PTPRD: variants seen among roughly 807,000 people sequenced by gnomAD.
PTPRD encodes the protein receptor-type tyrosine-protein phosphatase delta.
A neutral mutation model predicts 214.5 loss-of-function variants in PTPRD; 34 were observed. That is an observed-to-expected ratio of 0.16 (90% confidence interval 0.12 to 0.21). The LOEUF (loss-of-function observed/expected upper bound fraction) is 0.21. Among genes scored for constraint, PTPRD ranks in the 10% least tolerant of loss-of-function variants. The probability of loss-of-function intolerance (pLI) is 1.00; values close to 1 mark genes in which losing one functional copy is unlikely to be tolerated. For missense variants in PTPRD, 2,545 were observed against 2,398.7 expected, an observed-to-expected ratio of 1.06 and a Z score of -1.27; for synonymous variants, 1,128 against 845.7, an observed-to-expected ratio of 1.33 and a Z score of -5.79.
intron 6 of PTPRD, among the ~76,000 whole-genome samples, chr9:9,755,040 C>G (rs1270960974): frequency 1.3e-5 from 2 of 151,970 alleles, no homozygotes; most frequent in Non-Finnish European, 2.9e-5. Context: ...TGCAGAGCCA[C>G]AGACCCCATT....
At chr9:9,496,222 G>T (rs890282249) in intron 8 of PTPRD, among the ~76,000 whole-genome samples, 1 of 152,082 alleles carries the variant, frequency 6.6e-6, no homozygotes, top group African/African-American at 2.4e-5. Context: ...TTTGACTTTA[G>T]GAGAATTCTT....
chr9:9,733,065 C>T (rs1052716102), intron 7 of PTPRD, among the ~76,000 whole-genome samples: 3 of 152,166 alleles, frequency 2.0e-5, no homozygotes, highest in Non-Finnish European at 4.4e-5. Context: ...CAAAATTCTA[C>T]TCAGGCCTAG....
intron 7 of PTPRD, among the ~76,000 whole-genome samples, chr9:9,716,077 C>A (rs2097822362): frequency 6.8e-6 from 1 of 147,042 alleles, no homozygotes; most frequent in Non-Finnish European, 1.5e-5. Flanking sequence ...TTGTTCAGTT[C>A]CCACCTATGA....
chr9:8,981,066 A>G (rs906180413), intron 11 of PTPRD, among the ~76,000 whole-genome samples: 3 of 152,046 alleles, frequency 2.0e-5, no homozygotes, highest in Admixed American at 6.6e-5. Flanking sequence ...GCACCTCGCT[A>G]ACGGAATTTC....
At chr9:8,333,610 G>A (rs1032176850) in intron 43 of PTPRD, among the ~76,000 whole-genome samples, 3 of 152,064 alleles carry the variant, frequency 2.0e-5, no homozygotes, top group Admixed American at 2.0e-4. Flanking sequence ...ATACCAAATT[G>A]TAAAGACCAT....
chr9:9,764,087 T>A (rs980672814), intron 6 of PTPRD, among the ~76,000 whole-genome samples: 59 of 152,152 alleles, frequency 3.9e-4, no homozygotes, highest in Non-Finnish European at 4.6e-4. Context: ...ACATGTCTCT[T>A]CCCATCTAAG....
chr9:8,818,345 T>G (rs1176333182), intron 11 of PTPRD, among the ~76,000 whole-genome samples: 3 of 152,146 alleles, frequency 2.0e-5, no homozygotes, highest in Admixed American at 2.0e-4. Flanking sequence ...GGCAGAGAGA[T>G]AAAAGAAGAA....
chr9:9,804,528 C>T (rs2099061298), intron 5 of PTPRD, among the ~76,000 whole-genome samples: 2 of 152,180 alleles, frequency 1.3e-5, no homozygotes, highest in South Asian at 4.1e-4. Context: ...AACTTTTTAT[C>T]TTTCCTTAAC....
chr9:8,675,534 CACACAAAAAAAAAAAAA>C (rs902773575), intron 12 of PTPRD, among the ~76,000 whole-genome samples: 8 of 73,776 alleles, frequency 1.1e-4, no homozygotes, highest in African/African-American at 5.3e-4. Context: ...CACACACACA[CACACAAAAAAAAAAAAA>C]AAAAAAAAAA....
At chr9:9,065,665 T>G (rs62529479) in intron 10 of PTPRD, among the ~76,000 whole-genome samples, 11,519 of 152,076 alleles carry the variant, frequency 0.076, 482 homozygotes, top group Middle Eastern at 0.12. Context: ...GGAAGAAGGA[T>G]AGTTGGTTAG....
intron 2 of PTPRD, among the ~76,000 whole-genome samples, chr9:10,380,863 A>T (rs2097806053): frequency 6.6e-6 from 1 of 152,030 alleles, no homozygotes; most frequent in South Asian, 2.1e-4. Flanking sequence ...TTAGTCGATT[A>T]TGCTATGATC....
At chr9:8,346,071 G>C (rs942988937) in intron 39 of PTPRD, among the ~76,000 whole-genome samples, 1 of 151,996 alleles carries the variant, frequency 6.6e-6, no homozygotes, top group African/African-American at 2.4e-5. Flanking sequence ...AGCTTAATCA[G>C]TATCTTCTCC....
chr9:10,366,600 A>C (rs978181709), intron 2 of PTPRD, among the ~76,000 whole-genome samples: 1 of 152,174 alleles, frequency 6.6e-6, no homozygotes, highest in Non-Finnish European at 1.5e-5. Context: ...TAAAATTGTC[A>C]TATTTGTTAT....
At chr9:8,549,782 T>C (rs1203037440) in intron 14 of PTPRD, among the ~76,000 whole-genome samples, 1 of 152,188 alleles carries the variant, frequency 6.6e-6, no homozygotes, top group Non-Finnish European at 1.5e-5. Flanking sequence ...ATAATTCTAA[T>C]GGTAGCTTAG....
At chr9:9,108,495 C>T (rs952280669) in intron 10 of PTPRD, among the ~76,000 whole-genome samples, 3 of 152,088 alleles carry the variant, frequency 2.0e-5, no homozygotes, top group Admixed American at 2.0e-4. Context: ...AAAGTCCACC[C>T]AAGGTTGAGG....
chr9:9,731,605 C>A (rs2098194319), intron 7 of PTPRD, among the ~76,000 whole-genome samples: 1 of 151,936 alleles, frequency 6.6e-6, no homozygotes, highest in South Asian at 2.1e-4. Flanking sequence ...GCTATCCTTC[C>A]CCCCTCCCTA....
chr9:9,807,102 A>C (rs1360504877), intron 5 of PTPRD, among the ~76,000 whole-genome samples: 1 of 152,018 alleles, frequency 6.6e-6, no homozygotes. Context: ...TCTGCTCTAA[A>C]ATCTTTTAAT....
chr9:10,320,674 G>C (rs1297496987), intron 3 of PTPRD, among the ~76,000 whole-genome samples: 1 of 151,808 alleles, frequency 6.6e-6, no homozygotes, highest in East Asian at 2.0e-4. Flanking sequence ...TCAGTTCTTA[G>C]AAACTACTAC....
chr9:10,251,301 A>G (rs1246088954), intron 3 of PTPRD, among the ~76,000 whole-genome samples: 1 of 152,188 alleles, frequency 6.6e-6, no homozygotes, highest in Non-Finnish European at 1.5e-5. Flanking sequence ...AAATTTTTAG[A>G]CATGAATCTC....
Sources: allele counts gnomAD v4.1 joint callset (sites outside exome capture counted in the v4.1 genomes callset), GRCh38; gene constraint gnomAD v4.1.1; transcripts MANE v1.5; gene names NCBI Gene and HGNC (gene_info 2026-07-23, HGNC 2026-07-21).